SNTB2: variants seen among roughly 807,000 people sequenced by gnomAD.
SNTB2 encodes beta-2-syntrophin.
SNTB2 carries 34 observed loss-of-function variants against 46.2 expected under a neutral mutation model. That is an observed-to-expected ratio of 0.74 (90% CI 0.56 to 0.98). The LOEUF (loss-of-function observed/expected upper bound fraction) is 0.98. Ranked by LOEUF, SNTB2 falls within the 50% of genes least tolerant of loss-of-function variation. SNTB2 has a pLI of 0.00. For synonymous variants in SNTB2, 290 were observed against 312.6 expected, an observed-to-expected ratio of 0.93 and a Z score of 0.76; for missense variants, 603 against 731.4, an observed-to-expected ratio of 0.82 and a Z score of 2.02.
chr16:69,284,459 T>TAAA (rs3087058), intron 5 of SNTB2, among the ~76,000 whole-genome samples: 43 of 45,902 alleles, frequency 9.4e-4, no homozygotes, highest in East Asian at 5.4e-3. Flanking sequence ...CCGTCTTTAC[T>TAAA]AAAAAAAAAA....
At chr16:69,198,266 G>A (rs1964125078) in intron 1 of SNTB2, among the ~76,000 whole-genome samples, 2 of 151,932 alleles carry the variant, frequency 1.3e-5, no homozygotes, top group African/African-American at 4.8e-5. Context: ...ACACCACCAC[G>A]CCCAGCTAGT....
At chr16:69,220,495 C>G (rs904846122) in intron 1 of SNTB2, among the ~76,000 whole-genome samples, 24 of 151,578 alleles carry the variant, frequency 1.6e-4, no homozygotes, top group African/African-American at 5.3e-4. Context: ...AATTTACATA[C>G]AGTAACATCC....
At chr16:69,220,110 A>T (rs1465135973) in intron 1 of SNTB2, among the ~76,000 whole-genome samples, 1 of 144,770 alleles carries the variant, frequency 6.9e-6, no homozygotes, top group Non-Finnish European at 1.5e-5. Flanking sequence ...TGATGGTTTT[A>T]TGTAAGTATT....
chr16:69,232,367 G>A (rs370545572), intron 1 of SNTB2, among the ~76,000 whole-genome samples: 17 of 149,094 alleles, frequency 1.1e-4, no homozygotes, highest in African/African-American at 2.7e-4. Context: ...CACCACGCCC[G>A]GCTAATTTTT....
At chr16:69,229,962 T>C (rs1470344763) in intron 1 of SNTB2, among the ~76,000 whole-genome samples, 1 of 151,652 alleles carries the variant, frequency 6.6e-6, no homozygotes, top group African/African-American at 2.4e-5. Context: ...AATTTTAAAT[T>C]TTTTTGTAGA....
intron 1 of SNTB2, among the ~76,000 whole-genome samples, chr16:69,188,876 G>A (rs1964020892): frequency 6.6e-6 from 1 of 152,184 alleles, no homozygotes; most frequent in Non-Finnish European, 1.5e-5. Flanking sequence ...AGTTAGTGGA[G>A]ATGGAATTAG....
intron 5 of SNTB2, among the ~76,000 whole-genome samples, chr16:69,287,206 T>C (rs953318857): frequency 6.6e-6 from 1 of 152,216 alleles, no homozygotes; most frequent in Non-Finnish European, 1.5e-5. Context: ...TACATGTAGA[T>C]ATTTGCAAAT....
At chr16:69,292,436 TATATA>T (rs1567416562) in intron 5 of SNTB2, among the ~76,000 whole-genome samples, 1 of 7,700 alleles carries the variant, frequency 1.3e-4, no homozygotes. Context: ...ATATATATAT[TATATA>T]TATATAATTT....
chr16:69,294,681 C>G (rs1205956321), intron 5 of SNTB2, among the ~76,000 whole-genome samples: 2 of 151,930 alleles, frequency 1.3e-5, no homozygotes, highest in African/African-American at 4.8e-5. Context: ...TGCAGTGAGC[C>G]GAGATCATGC....
chr16:69,289,509 T>C (rs1965139584), intron 5 of SNTB2, among the ~76,000 whole-genome samples: 1 of 152,196 alleles, frequency 6.6e-6, no homozygotes, highest in African/African-American at 2.4e-5. Flanking sequence ...TCCCAACATA[T>C]AGAATTGTTA....
At chr16:69,206,116 C>G (rs1471692356) in intron 1 of SNTB2, among the ~76,000 whole-genome samples, 1 of 152,068 alleles carries the variant, frequency 6.6e-6, no homozygotes, top group Non-Finnish European at 1.5e-5. Context: ...CCCGCCTTAG[C>G]CTCCCAAGAA....
chr16:69,292,668 GTC>G (rs1277854298), intron 5 of SNTB2, among the ~76,000 whole-genome samples: 1 of 147,326 alleles, frequency 6.8e-6, no homozygotes, highest in Non-Finnish European at 1.5e-5. Flanking sequence ...GGCCAGGCTG[GTC>G]TTGAACGCCT....
chr16:69,270,854 A>C (rs988220042), intron 4 of SNTB2, among the ~76,000 whole-genome samples: 7 of 152,260 alleles, frequency 4.6e-5, no homozygotes, highest in Non-Finnish European at 1.0e-4. Context: ...TTGGGAGCCA[A>C]GGTGTTTTAA....
rs2143159796 is a variant in SNTB2, at chr16:69,284,243, A to C, written c.1344A>C (p.Leu448=). 6.3e-7 allele frequency: 1 copy of C among 1,597,220 alleles called. No homozygotes were observed. The highest frequency in any genetic ancestry group is 2.2e-5 in the East Asian group (1 of 44,614). Residue 448 remains leucine (L), a splice_region_variant and synonymous_variant, in exon 5 of 7, where the codon CTA becomes CTC. Coordinates refer to ENST00000336278, the MANE Select transcript of SNTB2 (RefSeq NM_006750.4). ...CTGAGCTGATCAAGGAAGTCTCTCT[A>C]GGTAGAGATGCTGACTTTTTATTTC... ...AAAELIKEVS[L]GCMLNGQEVR... is the part of the protein sequence containing the mutation.
chr16:69,197,688 A>G (rs1964117950), intron 1 of SNTB2, among the ~76,000 whole-genome samples: 1 of 152,226 alleles, frequency 6.6e-6, no homozygotes, highest in African/African-American at 2.4e-5. Flanking sequence ...CATCTTTACA[A>G]GTAAATCTTT....
chr16:69,262,156 A>G (rs1357849814), intron 3 of SNTB2, among the ~76,000 whole-genome samples: 1 of 152,246 alleles, frequency 6.6e-6, no homozygotes, highest in Non-Finnish European at 1.5e-5. Context: ...TAGACCAGAT[A>G]AGGATATCAA....
chr16:69,234,702 A>ATTT (rs199980967), intron 1 of SNTB2, among the ~76,000 whole-genome samples: 1 of 136,440 alleles, frequency 7.3e-6, no homozygotes, highest in African/African-American at 2.7e-5. Flanking sequence ...ACAACTTGGT[A>ATTT]TTTTTTTTTT....
chr16:69,255,844 T>G (rs1342880506), intron 2 of SNTB2, among the ~76,000 whole-genome samples: 1 of 141,236 alleles, frequency 7.1e-6, no homozygotes, highest in Non-Finnish European at 1.5e-5. Flanking sequence ...GCCATTGCAC[T>G]CCAGCCCGGG....
At chr16:69,279,742 A>G (rs1459398356) in intron 4 of SNTB2, among the ~76,000 whole-genome samples, 2 of 150,906 alleles carry the variant, frequency 1.3e-5, no homozygotes, top group African/African-American at 2.4e-5. Context: ...GTTAGCCAGG[A>G]TGGTCTCGAT....
Sources: allele counts gnomAD v4.1 joint callset (sites outside exome capture counted in the v4.1 genomes callset), GRCh38; gene constraint gnomAD v4.1.1; transcripts MANE v1.5; gene names NCBI Gene and HGNC (gene_info 2026-07-23, HGNC 2026-07-21).